MYO6: variants seen among roughly 807,000 people sequenced by gnomAD.
MYO6 encodes the protein unconventional myosin-VI.
MYO6 carries 74 observed loss-of-function variants against 178.7 expected under a neutral mutation model. The observed-to-expected ratio is 0.41, with a 90% CI of 0.34 to 0.50. The LOEUF (loss-of-function observed/expected upper bound fraction) is 0.50. Among genes scored for constraint, MYO6 ranks in the 20% least tolerant of loss-of-function variants. MYO6 has a pLI of 0.09. For synonymous variants in MYO6, 477 were observed against 504.6 expected (o/e 0.95, Z 0.73); for missense variants, 1,330 against 1,547.4 (o/e 0.86, Z 2.36).
At chr6:75,857,728 A>G (rs1260723142) in intron 13 of MYO6, among the ~76,000 whole-genome samples, 5 of 152,236 alleles carry the variant, frequency 3.3e-5, no homozygotes, top group Non-Finnish European at 5.9e-5. Flanking sequence ...GCAAGTAGCT[A>G]TATTTTCCAT....
chr6:75,761,037 G>C (rs1338250304), intron 1 of MYO6, among the ~76,000 whole-genome samples: 6 of 152,110 alleles, frequency 3.9e-5, no homozygotes, highest in Non-Finnish European at 7.4e-5. Context: ...CTTAGTATCT[G>C]GGGGAAGAAC....
chr6:75,817,739 GTCTT>G, intron 2 of MYO6, 75 bp downstream of exon 2: 1 of 1,264,608 alleles, frequency 7.9e-7, no homozygotes, highest in Non-Finnish European at 1.2e-6. Flanking sequence ...AGTAAGGTCT[GTCTT>G]CTTAATGAGG....
rs1781256406 is a variant in MYO6, at chr6:75,918,599, A to T, written c.*3587A>T. 1 of 152,268 alleles carries T rather than the reference A, an allele frequency of 6.6e-6. No homozygotes were observed. The highest frequency in any genetic ancestry group is 2.4e-5 in the African/African-American group (1 of 41,460). The allele number at this position is 152,268 out of a possible 1,614,324, so 9.4% of individuals were successfully genotyped here. On this transcript the variant is annotated 3_prime_UTR_variant, in exon 35 of 35. Transcript: ENST00000369977. ...GCAGTAAATAGGCATTCTGTACATA[A>T]GCCTCATGGAAGGGTAAGATGGAGA...
chr6:75,877,249 A>G (rs1777634971), intron 20 of MYO6, among the ~76,000 whole-genome samples: 1 of 151,212 alleles, frequency 6.6e-6, no homozygotes, highest in South Asian at 2.1e-4. Context: ...CTGGGATTAC[A>G]GGCATGAGCC....
chr6:75,834,202 T>G (rs1355338114), intron 6 of MYO6, among the ~76,000 whole-genome samples: 6 of 152,170 alleles, frequency 3.9e-5, no homozygotes, highest in East Asian at 1.9e-4. Context: ...CATTGTGTTT[T>G]TTTGTTTGTT....
rs548756793 is a variant in MYO6 at position 75,819,509 on chromosome 6, G to A, written c.117+1845G>A. The stretch of plus-strand genomic sequence containing the variant: ...GTACAGTGGAAGTGTAGATGAGGGA[G>A]TGAGGAACATGTCTTGATAGCAATG... On this transcript the variant is annotated intron_variant, in intron 2 of 34. Coordinates refer to ENST00000369977, the MANE Select transcript of MYO6 (RefSeq NM_004999.4). 3.9e-5 allele frequency among the ~76,000 whole-genome samples: 6 copies of A among 152,330 alleles called. No homozygotes were observed. In the East Asian group the frequency reaches 7.7e-4, roughly 20 times the overall value.
At chr6:75,891,871 GTC>G (rs1051520162) in intron 27 of MYO6, among the ~76,000 whole-genome samples, 13 of 152,152 alleles carry the variant, frequency 8.5e-5, no homozygotes, top group African/African-American at 2.7e-4. Flanking sequence ...GGTCACAGTT[GTC>G]TCTCTGTAGA....
chr6:75,827,010 G>T (rs758879674), intron 3 of MYO6, among the ~76,000 whole-genome samples: 1 of 152,190 alleles, frequency 6.6e-6, no homozygotes, highest in Non-Finnish European at 1.5e-5. Flanking sequence ...ATGGCAAGAG[G>T]CTCTTGTTTG....
intron 1 of MYO6, among the ~76,000 whole-genome samples, chr6:75,817,188 C>T (rs1222826509): frequency 1.3e-5 from 2 of 151,820 alleles, no homozygotes; most frequent in African/African-American, 2.4e-5. Flanking sequence ...GCCTGTAATC[C>T]CAGCTACTCG....
intron 10 of MYO6, 24 bp downstream of exon 10, chr6:75,845,001 A>G: frequency 6.4e-7 from 1 of 1,567,528 alleles, no homozygotes; most frequent in Non-Finnish European, 8.8e-7. Flanking sequence ...TTGTTCATAA[A>G]ATCTTTAACT....
chr6:75,805,116 G>A (rs551802123), intron 1 of MYO6, among the ~76,000 whole-genome samples: 51 of 142,676 alleles, frequency 3.6e-4, no homozygotes, highest in South Asian at 1.3e-3. Flanking sequence ...CCTCTGCCTC[G>A]TTGGTTCAAG....
At chr6:75,906,955 C>G (rs1402142889) in intron 30 of MYO6, among the ~76,000 whole-genome samples, 3 of 152,134 alleles carry the variant, frequency 2.0e-5, no homozygotes, top group Admixed American at 2.0e-4. Flanking sequence ...GCTTATAGAA[C>G]TTTTCTAAGT....
chr6:75,767,323 G>A (rs1440059508), intron 1 of MYO6, among the ~76,000 whole-genome samples: 1 of 152,138 alleles, frequency 6.6e-6, no homozygotes, highest in East Asian at 1.9e-4. Context: ...ACTATGCCTG[G>A]CCCTCAATTT....
rs113821839 is a variant in MYO6 at position 75,873,469 on chromosome 6, T to C, written c.2077+169T>C. On this transcript the variant is annotated intron_variant, in intron 20 of 34. Coordinates refer to ENST00000369977, the MANE Select transcript of MYO6 (RefSeq NM_004999.4). The stretch of plus-strand genomic sequence containing the variant: ...AAGAAAAGTATAGAGCCACATGTGG[T>C]GGTGTACACCTGTAGTCCCAGCTAC... Among the ~76,000 whole-genome samples, 913 of 152,320 alleles carry C rather than the reference T, an allele frequency of 6.0e-3. 8 individuals carry two copies. The highest frequency in any genetic ancestry group is 0.021 in the African/African-American group (856 of 41,568).
intron 1 of MYO6, among the ~76,000 whole-genome samples, chr6:75,771,753 A>T (rs1765914999): frequency 6.6e-6 from 1 of 152,154 alleles, no homozygotes; most frequent in Admixed American, 6.6e-5. Context: ...TACAGCTTAA[A>T]CCATTAAGTC....
chr6:75,902,719 A>G (rs994210551), intron 30 of MYO6, among the ~76,000 whole-genome samples: 6 of 150,140 alleles, frequency 4.0e-5, no homozygotes, highest in African/African-American at 1.2e-4. Flanking sequence ...TTGTGTCTCT[A>G]TTTCCTTCAG....
rs77915507 is a variant in MYO6 at position 75,882,087 on chromosome 6, C to A, written c.2416+269C>A. 0.021 allele frequency among the ~76,000 whole-genome samples: 3,158 copies of A among 152,274 alleles called. 119 individuals are homozygous for A. The highest frequency in any genetic ancestry group is 0.073 in the African/African-American group (3,017 of 41,550). On this transcript the variant is annotated intron_variant, in intron 23 of 34. Transcript: ENST00000369977. ...ACTATCTTGATCTCTCGTCCCCGCA[C>A]CCCTCACCATCCCCTAATCTCTCAG...
intron 1 of MYO6, among the ~76,000 whole-genome samples, chr6:75,804,430 C>T (rs1299748531): frequency 1.3e-5 from 2 of 152,142 alleles, no homozygotes; most frequent in African/African-American, 4.8e-5. Flanking sequence ...TTGTTTTGAG[C>T]AGCAAGGCCA....
intron 20 of MYO6, among the ~76,000 whole-genome samples, chr6:75,876,176 T>G (rs1226767104): frequency 6.6e-6 from 1 of 152,204 alleles, no homozygotes; most frequent in Non-Finnish European, 1.5e-5. Flanking sequence ...TTCTTGATAT[T>G]CCTGACATGG....
Sources: gnomAD v4.1 joint callset for allele counts (sites outside exome capture counted in the v4.1 genomes callset) on GRCh38, gnomAD v4.1.1 for gene constraint, MANE v1.5 for transcripts, NCBI Gene and HGNC (gene_info 2026-07-23, HGNC 2026-07-21) for gene names.